The following RIMS2 variants were observed in gnomAD, a reference collection of about 807,000 sequenced individuals.
RIMS2 encodes regulating synaptic membrane exocytosis 2.
In RIMS2, 59 loss-of-function variants were observed where a neutral mutation model predicts 174.4. The observed-to-expected ratio is 0.34, with a 90% CI of 0.27 to 0.42. The LOEUF is 0.42. Among genes scored for constraint, RIMS2 ranks in the 10% least tolerant of loss-of-function variants. The pLI is 1.00. For missense variants in RIMS2, 1,620 were observed against 1,666.3 expected, an observed-to-expected ratio of 0.97 and a Z score of 0.48; for synonymous variants, 606 against 572.5, an observed-to-expected ratio of 1.06 and a Z score of -0.84.
At chr8:104,060,960 T>C (rs2096974526) in intron 19 of RIMS2, among the ~76,000 whole-genome samples, 1 of 152,184 alleles carries the variant, frequency 6.6e-6, no homozygotes, top group African/African-American at 2.4e-5. Flanking sequence ...TCTGTTCTTT[T>C]ACATTTGCTG....
chr8:103,985,271 C>G (rs995609875), intron 16 of RIMS2, among the ~76,000 whole-genome samples: 1 of 151,662 alleles, frequency 6.6e-6, no homozygotes, highest in East Asian at 1.9e-4. Context: ...GTCAGGAGTT[C>G]GAGACCAGCC....
At chr8:103,675,388 A>C (rs1477852067) in intron 1 of RIMS2, among the ~76,000 whole-genome samples, 3 of 152,184 alleles carry the variant, frequency 2.0e-5, no homozygotes, top group South Asian at 2.1e-4. Flanking sequence ...TTCCTGTTCC[A>C]TGCAACCCTT....
chr8:104,077,328 G>A (rs2097314927), intron 19 of RIMS2, among the ~76,000 whole-genome samples: 1 of 151,816 alleles, frequency 6.6e-6, no homozygotes, highest in Non-Finnish European at 1.5e-5. Flanking sequence ...AGCCCTTGGG[G>A]GTTCCAGTGT....
intron 17 of RIMS2, among the ~76,000 whole-genome samples, chr8:103,996,857 C>T (rs971204283): frequency 2.6e-5 from 4 of 151,668 alleles, no homozygotes; most frequent in Admixed American, 1.3e-4. Flanking sequence ...ATGGAGTACT[C>T]GGCATATAGT....
intron 19 of RIMS2, among the ~76,000 whole-genome samples, chr8:104,177,577 C>G (rs1474026101): frequency 6.6e-6 from 1 of 152,084 alleles, no homozygotes; most frequent in Non-Finnish European, 1.5e-5. Context: ...TAAATGTGAT[C>G]TCTTCAAATC....
intron 3 of RIMS2, among the ~76,000 whole-genome samples, chr8:103,867,132 A>G (rs1047420075): frequency 2.0e-5 from 3 of 151,978 alleles, no homozygotes; most frequent in East Asian, 3.8e-4. Flanking sequence ...ATTTCAGTTA[A>G]ATAAAAATGA....
chr8:103,549,377 A>G (rs374875494), intron 1 of RIMS2, among the ~76,000 whole-genome samples: 142 of 152,318 alleles, frequency 9.3e-4, no homozygotes, highest in African/African-American at 3.2e-3. Flanking sequence ...ACTAAGCTTC[A>G]TAAGTGCAGG....
chr8:103,767,464 T>G (rs1591965146), intron 3 of RIMS2, among the ~76,000 whole-genome samples: 1 of 152,132 alleles, frequency 6.6e-6, no homozygotes, highest in South Asian at 2.1e-4. Context: ...GGATTACAGG[T>G]GTGAGCCACC....
chr8:103,600,819 G>A lies in RIMS2; in HGVS notation c.177-96267G>A, dbSNP rs1415846861. ...ACTAATTTACATTCTCACCCACAGT[G>A]TATGAGGGTTCCCTTTTTTTTCACA... On this transcript the variant is annotated intron_variant, in intron 1 of 23. Transcript: ENST00000504942. 2.0e-5 allele frequency among the ~76,000 whole-genome samples: 3 copies of A among 152,136 alleles called. No homozygotes were observed. In the East Asian group the frequency reaches 5.8e-4, roughly 29 times the overall value.
intron 10 of RIMS2, among the ~76,000 whole-genome samples, chr8:103,925,004 AAT>A (rs2078477044): frequency 1.3e-5 from 2 of 151,648 alleles, no homozygotes; most frequent in Non-Finnish European, 1.5e-5. Context: ...CTCCATTTTT[AAT>A]ATGTGTTCTT....
intron 19 of RIMS2, among the ~76,000 whole-genome samples, chr8:104,234,794 C>A (rs1227560181): frequency 6.6e-6 from 1 of 152,092 alleles, no homozygotes; most frequent in East Asian, 1.9e-4. Context: ...TATGCCAGTC[C>A]TCTGGCTTGA....
At chr8:104,254,690 C>T (rs1354078672), downstream of RIMS2, 1 of 152,178 alleles carries the variant, frequency 6.6e-6, no homozygotes, top group Non-Finnish European at 1.5e-5. Context: ...TTAAATGACT[C>T]AGCAACTCAC....
At chr8:104,155,267 T>C (rs13264183) in intron 19 of RIMS2, among the ~76,000 whole-genome samples, 23,721 of 136,962 alleles carry the variant, frequency 0.17, 2,813 homozygotes, top group East Asian at 0.59. Flanking sequence ...CCACCACGCC[T>C]GGCTAATTTT....
rs565016060 is a variant in RIMS2 at position 104,069,760 on chromosome 8, C to T, written c.3334+55145C>T. Among the ~76,000 whole-genome samples the T allele has an allele frequency of 7.9e-5, 12 of 152,134 alleles. No individual in the cohort carries two copies. The South Asian group carries it at 8.3e-4, about 11-fold the overall frequency. On this transcript the variant is annotated intron_variant, in intron 19 of 23. Coordinates refer to ENST00000504942, the Ensembl canonical transcript of RIMS2. ...GATTACAAGCGTGAGCCACTGCGCCCGGCCTATTTCATTGTTCTTGTACTC... is the reference window on the plus strand; with the variant it reads ...GATTACAAGCGTGAGCCACTGCGCCTGGCCTATTTCATTGTTCTTGTACTC...
chr8:103,544,816 G>A (rs1844236262), intron 1 of RIMS2, among the ~76,000 whole-genome samples: 1 of 152,190 alleles, frequency 6.6e-6, no homozygotes, highest in Non-Finnish European at 1.5e-5. Context: ...TAGAATCAAA[G>A]CGAGTTGAGT....
chr8:103,808,949 T>C (rs1014960847), intron 3 of RIMS2, among the ~76,000 whole-genome samples: 1 of 152,180 alleles, frequency 6.6e-6, no homozygotes, highest in African/African-American at 2.4e-5. Context: ...TTCTCCATTC[T>C]GACTGCTAGG....
At chr8:103,550,919 T>C (rs1189364485) in intron 1 of RIMS2, among the ~76,000 whole-genome samples, 1 of 152,142 alleles carries the variant, frequency 6.6e-6, no homozygotes, top group Non-Finnish European at 1.5e-5. Context: ...AATCCCTGAA[T>C]AGACCAACAA....
At chr8:104,167,587 T>C (rs2098805447) in intron 19 of RIMS2, among the ~76,000 whole-genome samples, 1 of 152,180 alleles carries the variant, frequency 6.6e-6, no homozygotes, top group East Asian at 1.9e-4. Flanking sequence ...CTTTGTCAGA[T>C]GCAAAATTCG....
intron 19 of RIMS2, among the ~76,000 whole-genome samples, chr8:104,241,787 T>C (rs2099298716): frequency 6.6e-6 from 1 of 152,172 alleles, no homozygotes; most frequent in Non-Finnish European, 1.5e-5. Flanking sequence ...TGAGACACAG[T>C]CTTGCTCTGT....
Sources: gnomAD v4.1 joint callset for allele counts (sites outside exome capture counted in the v4.1 genomes callset) on GRCh38, gnomAD v4.1.1 for gene constraint, MANE v1.5 for transcripts, NCBI Gene and HGNC (gene_info 2026-07-23, HGNC 2026-07-21) for gene names.